SYNE1: variants seen among roughly 807,000 people sequenced by gnomAD.
SYNE1 encodes the protein nesprin-1.
In SYNE1, 616 loss-of-function variants were observed where a neutral mutation model predicts 1,111.0. That is an observed-to-expected ratio of 0.55 (90% CI 0.52 to 0.59). The LOEUF is 0.59. Ranked by LOEUF, SYNE1 falls within the 20% of genes least tolerant of loss-of-function variation. The probability of loss-of-function intolerance (pLI) is 0.00; values close to 1 mark genes in which losing one functional copy is unlikely to be tolerated. For missense variants in SYNE1, 10,006 were observed against 10,417.0 expected, an observed-to-expected ratio of 0.96 and a Z score of 1.72; for synonymous variants, 3,855 against 3,825.8, an observed-to-expected ratio of 1.01 and a Z score of -0.28.
At chr6:152,289,273 T>C (rs576277491) in intron 95 of SYNE1, among the ~76,000 whole-genome samples, 1 of 152,344 alleles carries the variant, frequency 6.6e-6, no homozygotes, top group East Asian at 1.9e-4. Context: ...ACTTGGCATG[T>C]GTATGACACT....
At chr6:152,202,370 GC>G (rs369647609) in intron 126 of SYNE1, among the ~76,000 whole-genome samples, 10 of 45,570 alleles carry the variant, frequency 2.2e-4, no homozygotes, top group East Asian at 7.5e-4. Flanking sequence ...AAAAAAAAAA[GC>G]AAAAAAAAAA....
chr6:152,141,147 A>AT (rs1458139731), intron 139 of SYNE1, 56 bp downstream of exon 139: 1 of 1,613,068 alleles, frequency 6.2e-7, no homozygotes, highest in Non-Finnish European at 8.5e-7. Flanking sequence ...GCTGTTAACA[A>AT]AGTGCTTCAG....
chr6:152,348,582 G>C (rs999652342), intron 72 of SYNE1, among the ~76,000 whole-genome samples: 4 of 152,052 alleles, frequency 2.6e-5, no homozygotes, highest in African/African-American at 9.7e-5. Flanking sequence ...CTACTTGGGA[G>C]GCTGAGGCAG....
chr6:152,338,222 A>T (rs181529539), intron 75 of SYNE1, among the ~76,000 whole-genome samples: 25 of 152,318 alleles, frequency 1.6e-4, no homozygotes, highest in African/African-American at 6.0e-4. Flanking sequence ...GATAATATTA[A>T]AGAGAAAAAC....
At position 152,330,511 on chromosome 6, in the gene SYNE1, C is replaced by T. The variant is rs1590217492; in HGVS notation, c.14174G>A (p.Gly4725Asp). The part of the protein sequence containing the change: ...GCRAILDEVA[G>D]LGEAVDELNQ... ...CAGTTCATCCACCGCCTCCCCAAGG[C>T]CCGCCACCTCGTCCAGAATGGCTCT... Residue 4725 changes from glycine to aspartate, a missense_variant, in exon 78 of 146, where the codon GGC becomes GAC. Around this residue, in one of 7 missense-constraint regions of SYNE1, gnomAD observed 4,955 missense variants for 5,017.2 expected, o/e 0.99. Coordinates refer to ENST00000367255, the MANE Select transcript of SYNE1 (RefSeq NM_182961.4). 2 of 1,614,128 alleles carry T rather than the reference C, an allele frequency of 1.2e-6. No individual in the cohort carries two copies. The highest frequency in any genetic ancestry group is 2.2e-5 in the East Asian group (1 of 44,878).
At chr6:152,595,391 C>T (rs756122446) in intron 3 of SYNE1, among the ~76,000 whole-genome samples, 2 of 152,130 alleles carry the variant, frequency 1.3e-5, no homozygotes, top group Non-Finnish European at 2.9e-5. Context: ...TTGCAAGAAC[C>T]TTTATGTTTG....
intron 3 of SYNE1, among the ~76,000 whole-genome samples, chr6:152,542,620 G>A (rs1036405128): frequency 6.6e-6 from 1 of 152,010 alleles, no homozygotes; most frequent in African/African-American, 2.4e-5. Flanking sequence ...AGGTCATCCA[G>A]CAGCACAGCC....
At chr6:152,285,215 A>G (rs528180922) in intron 95 of SYNE1, among the ~76,000 whole-genome samples, 1 of 151,784 alleles carries the variant, frequency 6.6e-6, no homozygotes, top group Non-Finnish European at 1.5e-5. Flanking sequence ...CCTCTCCTTC[A>G]CTCACCAGAT....
At chr6:152,440,567 A>T (rs1220305118) in intron 32 of SYNE1, among the ~76,000 whole-genome samples, 6 of 122,694 alleles carry the variant, frequency 4.9e-5, no homozygotes, top group East Asian at 2.5e-4. Context: ...TTGCCTCCAG[A>T]TTTTTTTTTT....
chr6:152,595,647 C>T (rs1307139225), intron 3 of SYNE1, among the ~76,000 whole-genome samples: 1 of 152,068 alleles, frequency 6.6e-6, no homozygotes, highest in African/African-American at 2.4e-5. Context: ...TATTCTTTCC[C>T]GAATTTGGAA....
At position 152,596,053 on chromosome 6, in the gene SYNE1, T is replaced by TTGCAC. The variant is rs1272808860; in HGVS notation, c.67+32207_67+32211dup. Among the ~76,000 whole-genome samples the TTGCAC allele has an allele frequency of 1.5e-4, 21 of 140,304 alleles. No homozygotes were observed. The East Asian group carries it at 3.8e-3, about 25-fold the overall frequency. The allele number at this position is 140,304 out of a possible 152,430, so 92.0% of individuals were successfully genotyped here. ...ATTCTACATATTTCTTTCTGATTCC[T>TTGCAC]TGCACTTCTATCCCAAAAGAGTGTG... On this transcript the variant is annotated intron_variant, in intron 3 of 145. Transcript: ENST00000367255.
In SYNE1 at chr6:152,442,127, C is replaced by A. The variant is rs754976994; in HGVS notation, c.3956G>T (p.Ser1319Ile). Residue 1319 changes from serine to isoleucine, a missense_variant, in exon 31 of 146, where the codon AGC becomes ATC. This residue lies in a region of SYNE1 where 1,971 missense variants were observed against 2,084.1 expected (regional missense o/e 0.95). Transcript: ENST00000367255. ...GCTGCGCTCCAGGCCATCCAGTGTG[C>A]TCTCCAGCTTCCGCAGCTCCTCGTG... ...RGHEELRKLESTLDGLERSRE... is the reference protein window; with the variant it reads ...RGHEELRKLEITLDGLERSRE... 15 of 1,613,938 alleles carry A rather than the reference C, an allele frequency of 9.3e-6. No individual in the cohort carries two copies. Among genetic ancestry groups the A allele is most frequent in the African/African-American group, 1.3e-5 (1 of 74,936 alleles).
chr6:152,325,929 A>AT lies in SYNE1; in HGVS notation c.15438+28dup, dbSNP rs762921975. 80 of 1,613,400 alleles carry AT rather than the reference A, an allele frequency of 5.0e-5. 2 individuals carry two copies. The highest frequency in any genetic ancestry group is 4.3e-4 in the South Asian group (39 of 90,978). ...GACTCATTATAATTATAGAAAAAGG[A>AT]TTTTTTTTAAATGGCCCAAAACTCT... On this transcript the variant is annotated intron_variant, in intron 80 of 145. Coordinates refer to ENST00000367255, the MANE Select transcript of SYNE1 (RefSeq NM_182961.4).
chr6:152,384,954 G>A (rs1353086234), intron 55 of SYNE1, among the ~76,000 whole-genome samples: 1 of 150,878 alleles, frequency 6.6e-6, no homozygotes, highest in Non-Finnish European at 1.5e-5. Flanking sequence ...TGACTTTTAT[G>A]TTCTGATCTT....
At position 152,396,940 on chromosome 6, in the gene SYNE1, T is replaced by C. The variant is rs1234131171; in HGVS notation, c.7391A>G (p.Asp2464Gly). ...DSVSDGQSKLDAVTQEGQTLY... is the reference protein window; with the variant it reads ...DSVSDGQSKLGAVTQEGQTLY... The stretch of plus-strand genomic sequence containing the variant: ...AGTTTGTCCTTCTTGAGTCACTGCA[T>C]CAAGTTTGCTCTGCCCATCACTGAC... Residue 2464 changes from aspartate to glycine, a missense_variant, in exon 50 of 146, where the codon GAT becomes GGT. Asp to Gly is a moderately conservative substitution (Grantham distance 94). This residue lies in a region of SYNE1 where 4,955 missense variants were observed against 5,017.2 expected (regional missense o/e 0.99). Transcript: ENST00000367255. 1.9e-6 allele frequency: 3 copies of C among 1,614,192 alleles called. No homozygotes were observed. In the South Asian group the frequency reaches 3.3e-5, roughly 18 times the overall value.
At chr6:152,133,629 C>A (rs957531283) in intron 142 of SYNE1, 141 bp from the exon 143 acceptor site, 1 of 816,962 alleles carries the variant, frequency 1.2e-6, no homozygotes, top group East Asian at 2.7e-5. Context: ...CTAAAGGATG[C>A]AGCAGCTCAC....
At chr6:152,304,792 C>T (rs1303025028) in intron 91 of SYNE1, among the ~76,000 whole-genome samples, 1 of 152,168 alleles carries the variant, frequency 6.6e-6, no homozygotes, top group African/African-American at 2.4e-5. Context: ...GTGTACAAAA[C>T]TCATTTGGAT....
intron 109 of SYNE1, among the ~76,000 whole-genome samples, 184 bp from the exon 110 acceptor site, chr6:152,236,487 T>C (rs2153536343): frequency 6.6e-6 from 1 of 151,828 alleles, no homozygotes; most frequent in Admixed American, 6.6e-5. Flanking sequence ...AGTCTCCTTT[T>C]GTTGTTTATT....
At chr6:152,315,525 A>G (rs901458601) in intron 87 of SYNE1, 2 of 152,122 alleles carry the variant, frequency 1.3e-5, no homozygotes, top group African/African-American at 4.8e-5. Context: ...TTTGACAATC[A>G]CCATACATTT....
Sources: gnomAD v4.1 joint callset for allele counts (sites outside exome capture counted in the v4.1 genomes callset) on GRCh38, gnomAD v4.1.1 for gene constraint, gnomAD v4.1.1 regional missense constraint, MANE v1.5 for transcripts, NCBI Gene and HGNC (gene_info 2026-07-23, HGNC 2026-07-21) for gene names.